HPSE2: variants seen among roughly 807,000 people sequenced by gnomAD.
HPSE2 encodes heparanase 2 (inactive).
In HPSE2, 38 loss-of-function variants were observed where a neutral mutation model predicts 60.5. The ratio of observed to expected loss-of-function variants is 0.63; its 90% CI spans 0.48 to 0.82. The LOEUF (loss-of-function observed/expected upper bound fraction) is 0.82, where lower values mean the gene tolerates loss of function less well. HPSE2 is among the 40% of genes least tolerant of loss of function. The probability of loss-of-function intolerance (pLI) is 0.00; values close to 1 mark genes in which losing one functional copy is unlikely to be tolerated. For missense variants in HPSE2, 713 were observed against 740.4 expected, an observed-to-expected ratio of 0.96 and a Z score of 0.43; for synonymous variants, 295 against 293.2, an observed-to-expected ratio of 1.01 and a Z score of -0.06.
At chr10:98,988,063 T>C (rs1286693189) in intron 3 of HPSE2, among the ~76,000 whole-genome samples, 12 of 152,188 alleles carry the variant, frequency 7.9e-5, no homozygotes, top group Non-Finnish European at 1.3e-4. Flanking sequence ...AAAATGGCCA[T>C]ACTGCCCAAG....
At chr10:98,907,276 T>C (rs749100439) in intron 3 of HPSE2, among the ~76,000 whole-genome samples, 10 of 152,162 alleles carry the variant, frequency 6.6e-5, no homozygotes, top group Non-Finnish European at 1.2e-4. Context: ...GTGTCAAATA[T>C]AGTTTTAAAT....
At chr10:98,840,740 C>T (rs1218125075) in intron 3 of HPSE2, among the ~76,000 whole-genome samples, 1 of 152,038 alleles carries the variant, frequency 6.6e-6, no homozygotes, top group Admixed American at 6.5e-5. Flanking sequence ...AAGTTTTAGT[C>T]ATACCAAGAT....
intron 9 of HPSE2, among the ~76,000 whole-genome samples, chr10:98,498,767 G>C (rs1941934545): frequency 6.6e-6 from 1 of 152,038 alleles, no homozygotes; most frequent in South Asian, 2.1e-4. Flanking sequence ...AGAAGTGAAG[G>C]GAGAAATATT....
chr10:98,768,791 C>T (rs1247474836), intron 3 of HPSE2, among the ~76,000 whole-genome samples: 1 of 152,142 alleles, frequency 6.6e-6, no homozygotes, highest in African/African-American at 2.4e-5. Flanking sequence ...GTGGCCCACG[C>T]CTGTAATCCC....
chr10:99,110,671 T>C (rs1381632021), intron 3 of HPSE2, among the ~76,000 whole-genome samples: 3 of 152,070 alleles, frequency 2.0e-5, no homozygotes, highest in Non-Finnish European at 4.4e-5. Flanking sequence ...TTTATTAATC[T>C]CTCCTTTACT....
intron 3 of HPSE2, among the ~76,000 whole-genome samples, chr10:98,862,219 G>A (rs1952475439): frequency 6.6e-6 from 1 of 152,082 alleles, no homozygotes; most frequent in African/African-American, 2.4e-5. Flanking sequence ...CACAGCATGA[G>A]AGCCTAAGAA....
At chr10:98,467,210 G>A (rs1168660504) in intron 11 of HPSE2, among the ~76,000 whole-genome samples, 1 of 152,088 alleles carries the variant, frequency 6.6e-6, no homozygotes, top group Non-Finnish European at 1.5e-5. Context: ...TATTGTGACC[G>A]CTGAGCTGAC....
At chr10:98,586,823 A>G (rs1406829129) in intron 9 of HPSE2, among the ~76,000 whole-genome samples, 2 of 152,192 alleles carry the variant, frequency 1.3e-5, no homozygotes. Context: ...CCTCTCCGGT[A>G]TCATCAGTCG....
At chr10:98,535,935 G>A (rs1375828800) in intron 9 of HPSE2, among the ~76,000 whole-genome samples, 1 of 152,054 alleles carries the variant, frequency 6.6e-6, no homozygotes, top group African/African-American at 2.4e-5. Flanking sequence ...GGCTTGGAGT[G>A]GAGAAGAAGA....
intron 7 of HPSE2, among the ~76,000 whole-genome samples, chr10:98,626,204 A>G (rs962677211): frequency 1.3e-5 from 2 of 152,164 alleles, no homozygotes; most frequent in African/African-American, 2.4e-5. Context: ...GGCGGTAGTC[A>G]TGGAGGTGGG....
chr10:99,305,977 G>A, the HPSE2 span, among the ~76,000 whole-genome samples: 17,124 of 52,816 alleles, frequency 0.32, 1,487 homozygotes, highest in East Asian at 0.49. Context: ...GCGCGCGCGC[G>A]CGCACACACA....
chr10:98,811,906 A>G (rs1951176732), intron 3 of HPSE2, among the ~76,000 whole-genome samples: 1 of 152,144 alleles, frequency 6.6e-6, no homozygotes. Flanking sequence ...ATACCTAGTC[A>G]TTTCATGGTT....
the HPSE2 span, among the ~76,000 whole-genome samples, chr10:99,313,420 T>C: frequency 6.6e-6 from 1 of 151,976 alleles, no homozygotes; most frequent in Non-Finnish European, 1.5e-5. Context: ...AGGATAAAAT[T>C]TGAATGGATA....
intron 6 of HPSE2, among the ~76,000 whole-genome samples, chr10:98,662,908 C>T (rs1221620062): frequency 6.6e-6 from 1 of 152,012 alleles, no homozygotes; most frequent in African/African-American, 2.4e-5. Flanking sequence ...GGAAATAATA[C>T]AAGCCTATAT....
At chr10:98,666,360 T>C (rs1407528627) in intron 6 of HPSE2, among the ~76,000 whole-genome samples, 2 of 152,148 alleles carry the variant, frequency 1.3e-5, no homozygotes, top group African/African-American at 4.8e-5. Context: ...CCACTGACAG[T>C]GTTAGATCAT....
At chr10:98,797,226 C>T (rs750825823) in intron 3 of HPSE2, among the ~76,000 whole-genome samples, 2 of 151,798 alleles carry the variant, frequency 1.3e-5, no homozygotes, top group African/African-American at 2.4e-5. Context: ...TAAGCAAACT[C>T]GAAAGAAATT....
rs71486161 is a variant in HPSE2 at position 98,465,188 on chromosome 10, T to C, written c.1614-5449A>G. 3.8e-3 allele frequency among the ~76,000 whole-genome samples: 582 copies of C among 152,366 alleles called. 5 individuals are homozygous for C. Among genetic ancestry groups the C allele is most frequent in the African/African-American group, 0.013 (554 of 41,580 alleles). On this transcript the variant is annotated intron_variant, in intron 11 of 11. Transcript: ENST00000370552. Reference sequence around the variant, plus strand: ...AACAATAATCTTTCATTTAGATACATTGAACAGCTTGTAAGCTTGTAAACA... The same window carrying C: ...AACAATAATCTTTCATTTAGATACACTGAACAGCTTGTAAGCTTGTAAACA...
At chr10:99,191,426 G>A (rs968831060) in intron 2 of HPSE2, among the ~76,000 whole-genome samples, 2 of 152,146 alleles carry the variant, frequency 1.3e-5, no homozygotes, top group African/African-American at 2.4e-5. Flanking sequence ...GACACAGACT[G>A]TTTCCATTTG....
chr10:98,998,633 TCA>T (rs1445384453), intron 3 of HPSE2, among the ~76,000 whole-genome samples: 2 of 152,182 alleles, frequency 1.3e-5, no homozygotes, highest in Non-Finnish European at 1.5e-5. Context: ...GTGAACCAGA[TCA>T]CTCAGTCCTC....
Sources: allele counts gnomAD v4.1 joint callset (sites outside exome capture counted in the v4.1 genomes callset), GRCh38; gene constraint gnomAD v4.1.1; transcripts MANE v1.5; gene names NCBI Gene and HGNC (gene_info 2026-07-23, HGNC 2026-07-21).